Variants in ODF2L observed in about 807,000 individuals in gnomAD.
ODF2L encodes the protein outer dense fiber of sperm tails 2 like.
ODF2L carries 76 observed loss-of-function variants against 86.3 expected under a neutral mutation model. That is an observed-to-expected ratio of 0.88 (90% confidence interval 0.73 to 1.07). The LOEUF (loss-of-function observed/expected upper bound fraction) is 1.07, where lower values mean the gene tolerates loss of function less well. ODF2L is among the 50% of genes least tolerant of loss of function. The pLI, the probability that ODF2L is intolerant of heterozygous loss-of-function variation, is 0.00. For missense variants in ODF2L, 748 were observed against 717.4 expected (o/e 1.04, Z -0.49); for synonymous variants, 241 against 231.3 (o/e 1.04, Z -0.38).
At position 86,385,591 on chromosome 1, in the gene ODF2L, C is replaced by T. The variant is rs146507461; in HGVS notation, c.114-1G>A. 2 of 1,608,540 alleles carry T rather than the reference C, an allele frequency of 1.2e-6. No individual in the cohort carries two copies. Among genetic ancestry groups the T allele is most frequent in the Non-Finnish European group, 1.7e-6 (2 of 1,176,904 alleles). ...TTCATTTAGAATGTCCTGCTTCAGG[C>T]TAATTACAAATGCACATACAAAATT... On this transcript the variant is annotated splice_acceptor_variant, in intron 2 of 17. Coordinates refer to ENST00000317336, the Ensembl canonical transcript of ODF2L. LOFTEE classifies it high-confidence loss of function.
intron 8 of ODF2L, among the ~76,000 whole-genome samples, chr1:86,374,375 C>G (rs1398091052): frequency 2.6e-5 from 4 of 152,096 alleles, no homozygotes; most frequent in Non-Finnish European, 4.4e-5. Flanking sequence ...CCTACTTCAT[C>G]AGTATGGCAT....
At chr1:86,360,484 G>A in exon 12 of ODF2L, 1 of 1,604,134 alleles carries the variant, frequency 6.2e-7, no homozygotes, top group Non-Finnish European at 8.5e-7. Context: ...TTGCAATTCT[G>A]AGAGTTCATT....
chr1:86,368,501 T>C, intron 11 of ODF2L: 1 of 750,808 alleles, frequency 1.3e-6, no homozygotes, highest in Non-Finnish European at 1.9e-6. Flanking sequence ...AACTAGCTCC[T>C]CAAAGAGTTA....
At chr1:86,372,814 G>A (rs1659893162) in intron 8 of ODF2L, among the ~76,000 whole-genome samples, 1 of 152,284 alleles carries the variant, frequency 6.6e-6, no homozygotes, top group South Asian at 2.1e-4. Flanking sequence ...AGGAACATCT[G>A]CAGCAACCTG....
chr1:86,371,048 T>G, exon 10 of ODF2L: 1 of 1,574,974 alleles, frequency 6.3e-7, no homozygotes, highest in Non-Finnish European at 8.6e-7. Flanking sequence ...GATTCAGAGT[T>G]TCATTTTCAT....
At chr1:86,373,476 G>C (rs910721857) in intron 8 of ODF2L, among the ~76,000 whole-genome samples, 1 of 147,850 alleles carries the variant, frequency 6.8e-6, no homozygotes, top group Non-Finnish European at 1.5e-5. Context: ...AATATATCTA[G>C]ATACATATGT....
intron 11 of ODF2L, among the ~76,000 whole-genome samples, chr1:86,364,132 T>C (rs1659233427): frequency 6.6e-6 from 1 of 152,210 alleles, no homozygotes; most frequent in Non-Finnish European, 1.5e-5. Flanking sequence ...TAATTTAAAA[T>C]TAATTCATCA....
At chr1:86,352,248 C>T (rs1182216525) in intron 17 of ODF2L, 1 of 1,453,454 alleles carries the variant, frequency 6.9e-7, no homozygotes, top group Admixed American at 2.7e-5. Context: ...ATGTCATTAT[C>T]TAGTAGACAG....
chr1:86,354,924 T>C (rs952677340), intron 14 of ODF2L, 65 bp from the exon 14 acceptor site: 25 of 879,366 alleles, frequency 2.8e-5, no homozygotes, highest in Admixed American at 8.6e-5. Flanking sequence ...GAAATCCATA[T>C]AATTTATTGT....
chr1:86,354,577 C>A, exon 16 of ODF2L: 1 of 1,608,938 alleles, frequency 6.2e-7, no homozygotes, highest in East Asian at 2.2e-5. Context: ...CTGGCCAATG[C>A]TGTATACTCT....
rs1450065364 is a variant in ODF2L at position 86,354,708 on chromosome 1, A to G, written c.1605-16T>C. 6 of 1,588,632 alleles carry G rather than the reference A, an allele frequency of 3.8e-6. No individual in the cohort carries two copies. The Admixed American group carries it at 5.1e-5, about 13-fold the overall frequency. Reference sequence around the variant, plus strand: ...TTCTAATTTTCTTTTTACAGAAAACATATATTTTAAAATGTTAATGTGCAG... The same window carrying G: ...TTCTAATTTTCTTTTTACAGAAAACGTATATTTTAAAATGTTAATGTGCAG... On this transcript the variant is annotated splice_polypyrimidine_tract_variant and intron_variant, in intron 15 of 17. Transcript: ENST00000317336.
chr1:86,352,252 T>C, intron 17 of ODF2L: 1 of 1,446,334 alleles, frequency 6.9e-7, no homozygotes, highest in Non-Finnish European at 9.1e-7. Flanking sequence ...CATTATCTAG[T>C]AGACAGTTAT....
At chr1:86,391,869 A>G (rs1661355772) in intron 1 of ODF2L, among the ~76,000 whole-genome samples, 3 of 152,234 alleles carry the variant, frequency 2.0e-5, no homozygotes, top group Non-Finnish European at 2.9e-5. Flanking sequence ...TAAACTAAAG[A>G]GCTTTTGCAT....
chr1:86,385,345 TGG>T, intron 3 of ODF2L, 111 bp downstream of exon 3: 1 of 591,142 alleles, frequency 1.7e-6, no homozygotes, highest in Non-Finnish European at 2.9e-6. Context: ...CCCTCATTTT[TGG>T]TATGAAATAC....
At chr1:86,376,657 A>C (rs531365073) in intron 7 of ODF2L, among the ~76,000 whole-genome samples, 164 of 152,244 alleles carry the variant, frequency 1.1e-3, no homozygotes, top group Admixed American at 2.1e-3. Flanking sequence ...GGAAGAAAGG[A>C]CCTTCTTCAC....
At chr1:86,373,585 G>A (rs1659961423) in intron 8 of ODF2L, among the ~76,000 whole-genome samples, 1 of 151,262 alleles carries the variant, frequency 6.6e-6, no homozygotes, top group Non-Finnish European at 1.5e-5. Context: ...AGTAGAGACA[G>A]CATCTTGTTA....
chr1:86,371,569 A>G (rs1366107237), intron 9 of ODF2L, among the ~76,000 whole-genome samples: 3 of 152,208 alleles, frequency 2.0e-5, no homozygotes, highest in African/African-American at 7.2e-5. Flanking sequence ...TATATATGGT[A>G]GTTTTCAATG....
intron 11 of ODF2L, among the ~76,000 whole-genome samples, chr1:86,367,054 T>A (rs916737335): frequency 1.3e-4 from 19 of 151,774 alleles, no homozygotes; most frequent in African/African-American, 4.4e-4. Flanking sequence ...ACACCAAGGA[T>A]AAGGGGAATT....
At chr1:86,350,390 G>A (rs2100672586) in exon 18 of ODF2L, 1 of 152,306 alleles carries the variant, frequency 6.6e-6, no homozygotes, top group African/African-American at 2.4e-5. Context: ...TGCTGAGAAT[G>A]ATGGTTTCCA....
Sources: allele counts gnomAD v4.1 joint callset (sites outside exome capture counted in the v4.1 genomes callset), GRCh38; gene constraint gnomAD v4.1.1; transcripts MANE v1.5; gene names NCBI Gene and HGNC (gene_info 2026-07-23, HGNC 2026-07-21).